KCNH5: variants seen among roughly 807,000 people sequenced by gnomAD.
KCNH5 encodes voltage-gated delayed rectifier potassium channel KCNH5.
In KCNH5, 46 loss-of-function variants were observed where a neutral mutation model predicts 96.1. The observed-to-expected ratio is 0.48, with a 90% confidence interval of 0.38 to 0.61. The LOEUF (loss-of-function observed/expected upper bound fraction) is 0.61. KCNH5 is among the 20% of genes least tolerant of loss of function. The probability of loss-of-function intolerance (pLI) is 0.00; values close to 1 mark genes in which losing one functional copy is unlikely to be tolerated. For missense variants in KCNH5, 907 were observed against 1,225.8 expected, an observed-to-expected ratio of 0.74 and a Z score of 3.88; for synonymous variants, 439 against 449.8, an observed-to-expected ratio of 0.98 and a Z score of 0.30.
chr14:62,814,770 G>A (rs1247351536), intron 8 of KCNH5, among the ~76,000 whole-genome samples: 4 of 91,770 alleles, frequency 4.4e-5, no homozygotes, highest in African/African-American at 8.6e-5. Context: ...GCGACAAAGC[G>A]AGACTCCATC....
chr14:62,842,249 G>A (rs1194758018), intron 8 of KCNH5, among the ~76,000 whole-genome samples: 2 of 152,120 alleles, frequency 1.3e-5, no homozygotes. Context: ...AAAAAGTATT[G>A]CTTAAAGTTT....
At chr14:62,810,538 A>G (rs1886852184) in intron 8 of KCNH5, among the ~76,000 whole-genome samples, 1 of 152,104 alleles carries the variant, frequency 6.6e-6, no homozygotes, top group Non-Finnish European at 1.5e-5. Context: ...GACCTTTCTG[A>G]TAAAATAGCT....
At chr14:62,721,538 T>C (rs1226065722) in intron 10 of KCNH5, among the ~76,000 whole-genome samples, 1 of 151,822 alleles carries the variant, frequency 6.6e-6, no homozygotes, top group African/African-American at 2.4e-5. Context: ...GGCAAATAGA[T>C]TGGCAACTGT....
Position 62,959,605 on chromosome 14 carries a change from TAG to T in KCNH5, c.943-9048_943-9047del, listed in dbSNP as rs576799189. The stretch of plus-strand genomic sequence containing the variant: ...ATAAAAAAACAGATTGTTTGTCTTA[TAG>T]AGTTTCCTAAATTCTGAATTCTGAT... On this transcript the variant is annotated intron_variant, in intron 6 of 10. Coordinates refer to ENST00000322893, the MANE Select transcript of KCNH5 (RefSeq NM_139318.5). Among the ~76,000 whole-genome samples, 13 of 152,266 alleles carry T rather than the reference TAG, an allele frequency of 8.5e-5. No individual in the cohort carries two copies. In the South Asian group the frequency reaches 1.2e-3, roughly 15 times the overall value.
At chr14:62,793,076 T>C (rs900879025) in intron 9 of KCNH5, among the ~76,000 whole-genome samples, 1 of 151,792 alleles carries the variant, frequency 6.6e-6, no homozygotes, top group Non-Finnish European at 1.5e-5. Context: ...ATTCCACTCA[T>C]ATGAAGTGTC....
In KCNH5 at chr14:62,902,437, A is replaced by T. The variant is rs183777354; in HGVS notation, c.1369+47696T>A. On this transcript the variant is annotated intron_variant, in intron 7 of 10. Coordinates refer to ENST00000322893, the MANE Select transcript of KCNH5 (RefSeq NM_139318.5). Reference sequence around the variant, plus strand: ...TTAAATTGTACAATAAATACAAATTAAAAAGTAGACATTATGGGAAGTGAT... The same window carrying T: ...TTAAATTGTACAATAAATACAAATTTAAAAGTAGACATTATGGGAAGTGAT... Among the ~76,000 whole-genome samples, 492 of 152,250 alleles carry T rather than the reference A, an allele frequency of 3.2e-3. 4 individuals carry two copies. Among genetic ancestry groups the T allele is most frequent in the African/African-American group, 0.011 (472 of 41,562 alleles).
At chr14:62,782,875 C>G (rs1049482055) in intron 9 of KCNH5, among the ~76,000 whole-genome samples, 3 of 152,162 alleles carry the variant, frequency 2.0e-5, no homozygotes, top group Non-Finnish European at 4.4e-5. Flanking sequence ...GCTATAGAAA[C>G]TCTACCTCCT....
At chr14:62,839,223 T>C (rs1887525969) in intron 8 of KCNH5, among the ~76,000 whole-genome samples, 2 of 152,174 alleles carry the variant, frequency 1.3e-5, no homozygotes, top group South Asian at 4.1e-4. Context: ...GCATTATGAG[T>C]GACATCATAT....
intron 8 of KCNH5, among the ~76,000 whole-genome samples, chr14:62,814,171 G>A (rs1886926538): frequency 6.6e-6 from 1 of 152,210 alleles, no homozygotes; most frequent in Non-Finnish European, 1.5e-5. Context: ...ATATAAAAAT[G>A]AGACCTAAAG....
intron 10 of KCNH5, among the ~76,000 whole-genome samples, chr14:62,762,425 A>G (rs1448261712): frequency 6.6e-6 from 1 of 152,060 alleles, no homozygotes; most frequent in African/African-American, 2.4e-5. Context: ...CTGCTTAACC[A>G]ATGGAGAGTT....
chr14:62,835,661 A>G (rs981360845), intron 8 of KCNH5, among the ~76,000 whole-genome samples: 3 of 152,056 alleles, frequency 2.0e-5, no homozygotes, highest in African/African-American at 7.2e-5. Flanking sequence ...CTTGACACTA[A>G]CATTCACATT....
At position 63,016,423 on chromosome 14, in the gene KCNH5, T is replaced by C. The variant is rs561174502; in HGVS notation, c.197+408A>G. ...TTATTTTATGTTCTTTACATTCTCA[T>C]GGACCATGTTTAACTTGGCCAGGTG... On this transcript the variant is annotated intron_variant, in intron 2 of 10. Coordinates refer to ENST00000322893, the MANE Select transcript of KCNH5 (RefSeq NM_139318.5). Among the ~76,000 whole-genome samples, 18 of 152,206 alleles carry C rather than the reference T, an allele frequency of 1.2e-4. No homozygotes were observed. In the East Asian group the frequency reaches 3.5e-3, roughly 29 times the overall value.
intron 7 of KCNH5, among the ~76,000 whole-genome samples, chr14:62,909,881 T>C (rs955705798): frequency 5.3e-5 from 8 of 152,128 alleles, no homozygotes; most frequent in Non-Finnish European, 1.2e-4. Flanking sequence ...CCGCTTGCCA[T>C]TGTACTTATC....
chr14:63,023,278 G>A lies in KCNH5; in HGVS notation c.74-6324C>T, dbSNP rs537194520. 4.6e-5 allele frequency among the ~76,000 whole-genome samples: 7 copies of A among 152,090 alleles called. No homozygotes were observed. The South Asian group carries it at 1.5e-3, about 32-fold the overall frequency. ...CTCTACAGGGATAGAGCCCATGTAAGTTTTTGCTCACATTTGATTTCTCAT... is the reference window on the plus strand; with the variant it reads ...CTCTACAGGGATAGAGCCCATGTAAATTTTTGCTCACATTTGATTTCTCAT... On this transcript the variant is annotated intron_variant, in intron 1 of 10. Coordinates refer to ENST00000322893, the MANE Select transcript of KCNH5 (RefSeq NM_139318.5).
chr14:62,971,801 A>C (rs7149398), intron 6 of KCNH5, among the ~76,000 whole-genome samples: 60,950 of 151,670 alleles, frequency 0.4, 13,025 homozygotes, highest in African/African-American at 0.54. Flanking sequence ...TGGATAGCCA[A>C]ATTAAAAAAA....
chr14:62,970,947 A>G (rs1890396374), intron 6 of KCNH5, among the ~76,000 whole-genome samples: 1 of 152,140 alleles, frequency 6.6e-6, no homozygotes, highest in African/African-American at 2.4e-5. Context: ...TATTAAGATC[A>G]GGAACGAGGC....
chr14:62,957,497 G>A (rs1890126339), intron 6 of KCNH5, among the ~76,000 whole-genome samples: 1 of 152,146 alleles, frequency 6.6e-6, no homozygotes, highest in Non-Finnish European at 1.5e-5. Flanking sequence ...ACATAGCTGT[G>A]TTTATTTTTC....
intron 7 of KCNH5, among the ~76,000 whole-genome samples, chr14:62,915,251 A>G (rs1403271751): frequency 6.6e-6 from 1 of 152,206 alleles, no homozygotes; most frequent in Non-Finnish European, 1.5e-5. Context: ...AAATTTGCAT[A>G]TTCTTCTAAG....
chr14:62,783,254 C>A (rs954569782), intron 9 of KCNH5, among the ~76,000 whole-genome samples: 1 of 152,110 alleles, frequency 6.6e-6, no homozygotes, highest in African/African-American at 2.4e-5. Flanking sequence ...AATGGTAGGT[C>A]CTCTCTGCGT....
Sources: allele counts gnomAD v4.1 joint callset (sites outside exome capture counted in the v4.1 genomes callset), GRCh38; gene constraint gnomAD v4.1.1; transcripts MANE v1.5; gene names NCBI Gene and HGNC (gene_info 2026-07-23, HGNC 2026-07-21).